Variants in ZNF385D observed in about 807,000 individuals in gnomAD.
ZNF385D encodes zinc finger protein 385D.
ZNF385D carries 15 observed loss-of-function variants against 35.8 expected under a neutral mutation model. The observed-to-expected ratio is 0.42, with a 90% confidence interval of 0.28 to 0.64. ZNF385D has a LOEUF of 0.64. Ranked by LOEUF, ZNF385D falls within the 30% of genes least tolerant of loss-of-function variation. The pLI is 0.23. For synonymous variants in ZNF385D, 212 were observed against 186.8 expected (o/e 1.13, Z -1.10); for missense variants, 474 against 494.6 (o/e 0.96, Z 0.39).
chr3:21,922,276 GA>G, intron 3 of ZNF385D, among the ~76,000 whole-genome samples: 1 of 102,924 alleles, frequency 9.7e-6, no homozygotes, highest in South Asian at 3.9e-4. Flanking sequence ...CACAGAATTA[GA>G]AAAAAAATTT....
chr3:21,413,801 A>G lies in ZNF385D; in HGVS notation c.*7413T>C, dbSNP rs1700525353. The G allele has an allele frequency of 6.6e-6, 1 of 152,136 alleles. No homozygotes were observed. Among genetic ancestry groups the G allele is most frequent in the Non-Finnish European group, 1.5e-5 (1 of 68,000 alleles). The allele number at this position is 152,136 out of a possible 1,614,324, so 9.4% of individuals were successfully genotyped here. ...CAATAAGCTTGGTTGTCAAAAGAAC[A>G]CTGCCTTCAATTTATAGTCACTAAA... On this transcript the variant is annotated 3_prime_UTR_variant, in exon 8 of 8. Transcript: ENST00000281523.
At chr3:22,143,209 A>G (rs1704635070) in intron 3 of ZNF385D, among the ~76,000 whole-genome samples, 2 of 151,738 alleles carry the variant, frequency 1.3e-5, no homozygotes, top group Admixed American at 6.6e-5. Flanking sequence ...CAGCCTCCGG[A>G]GTAGCAGCGA....
In ZNF385D at chr3:22,323,688, C is replaced by G. The variant is rs552363318; in HGVS notation, c.106+48762G>C. On this transcript the variant is annotated intron_variant, in intron 2 of 5. Transcript: ENST00000494108. ...GTAACACAAAAATTCTACAGAACATCTGTTTCTTAATAATGAGGATAATAG... is the reference window on the plus strand; with the variant it reads ...GTAACACAAAAATTCTACAGAACATGTGTTTCTTAATAATGAGGATAATAG... Among the ~76,000 whole-genome samples the G allele has an allele frequency of 4.5e-4, 69 of 152,200 alleles. No homozygotes were observed. The South Asian group carries it at 4.8e-3, about 11-fold the overall frequency.
intron 2 of ZNF385D, among the ~76,000 whole-genome samples, chr3:21,596,081 A>G (rs937290012): frequency 6.6e-6 from 1 of 152,208 alleles, no homozygotes; most frequent in Non-Finnish European, 1.5e-5. Context: ...CTGAAGCATA[A>G]TGAACATTTA....
intron 3 of ZNF385D, among the ~76,000 whole-genome samples, chr3:21,968,631 C>T (rs1703048706): frequency 2.0e-5 from 3 of 152,270 alleles, no homozygotes; most frequent in Middle Eastern, 3.4e-3. Context: ...AAGGAACCCA[C>T]TGTCTTGAAG....
chr3:21,421,140 C>T lies in ZNF385D; in HGVS notation c.*74G>A. On this transcript the variant is annotated 3_prime_UTR_variant, in exon 8 of 8. Coordinates refer to ENST00000281523, the MANE Select transcript of ZNF385D (RefSeq NM_024697.3). ...TACTTTAAACTATAAATAAACACTG[C>T]ATAGTTCTCTTTTGTTTGTTTTGTT... is the stretch of plus-strand genomic sequence containing the variant. 15 of 1,175,828 alleles carry T rather than the reference C, an allele frequency of 1.3e-5. No individual in the cohort carries two copies. The highest frequency in any genetic ancestry group is 1.8e-5 in the Non-Finnish European group (15 of 818,030). 72.8% of individuals were successfully genotyped at this position (1,175,828 alleles called of 1,614,324 possible).
At chr3:22,292,905 C>T (rs1702375314) in intron 2 of ZNF385D, among the ~76,000 whole-genome samples, 1 of 152,062 alleles carries the variant, frequency 6.6e-6, no homozygotes, top group Admixed American at 6.6e-5. Flanking sequence ...CAAGAGAATG[C>T]ATATTTCTAT....
intron 3 of ZNF385D, among the ~76,000 whole-genome samples, chr3:22,113,665 T>A (rs547116094): frequency 6.6e-6 from 1 of 151,832 alleles, no homozygotes; most frequent in East Asian, 1.9e-4. Flanking sequence ...ATACTAGGAG[T>A]GTCTTAGAAG....
At chr3:21,982,659 G>T (rs150603453) in intron 3 of ZNF385D, among the ~76,000 whole-genome samples, 41 of 152,226 alleles carry the variant, frequency 2.7e-4, no homozygotes, top group Non-Finnish European at 5.3e-4. Context: ...CTTGTCTTGA[G>T]CTGGTATTCA....
intron 1 of ZNF385D, among the ~76,000 whole-genome samples, chr3:21,734,899 G>A (rs1414498567): frequency 6.6e-6 from 1 of 152,006 alleles, no homozygotes; most frequent in Non-Finnish European, 1.5e-5. Context: ...ATTTACTAGA[G>A]ATAAATGATG....
chr3:21,900,406 G>T (rs1025464143), intron 3 of ZNF385D, among the ~76,000 whole-genome samples: 3 of 152,084 alleles, frequency 2.0e-5, no homozygotes, highest in Non-Finnish European at 4.4e-5. Flanking sequence ...GAAAAACATT[G>T]TGACCTCTTT....
At chr3:22,203,182 C>A (rs1696919100) in intron 2 of ZNF385D, among the ~76,000 whole-genome samples, 1 of 152,006 alleles carries the variant, frequency 6.6e-6, no homozygotes, top group Non-Finnish European at 1.5e-5. Flanking sequence ...CTTTCTCTTG[C>A]AACTTGGACA....
At chr3:22,025,780 G>C (rs975726140) in intron 3 of ZNF385D, among the ~76,000 whole-genome samples, 57 of 152,238 alleles carry the variant, frequency 3.7e-4, no homozygotes, top group Middle Eastern at 3.4e-3. Flanking sequence ...CATCCCAGCT[G>C]GGAGGGTCCA....
intron 3 of ZNF385D, among the ~76,000 whole-genome samples, chr3:21,556,873 GA>G (rs1332358267): frequency 1.3e-5 from 2 of 152,156 alleles, no homozygotes; most frequent in African/African-American, 4.8e-5. Flanking sequence ...AGTTATCCTT[GA>G]AAAGGTCCTT....
At chr3:22,115,800 A>T (rs1196425933) in intron 3 of ZNF385D, among the ~76,000 whole-genome samples, 1 of 152,132 alleles carries the variant, frequency 6.6e-6, no homozygotes, top group Non-Finnish European at 1.5e-5. Context: ...TTTAATCATC[A>T]TCAGGAAAAA....
intron 3 of ZNF385D, among the ~76,000 whole-genome samples, chr3:21,884,838 T>A (rs879903802): frequency 6.6e-6 from 1 of 152,068 alleles, no homozygotes; most frequent in Non-Finnish European, 1.5e-5. Context: ...TAAATAAAGG[T>A]TGATTTATTT....
chr3:22,151,814 C>A (rs1250352910), intron 3 of ZNF385D, among the ~76,000 whole-genome samples: 2 of 152,132 alleles, frequency 1.3e-5, no homozygotes, highest in Non-Finnish European at 2.9e-5. Flanking sequence ...CCTTTAACCA[C>A]AAGGGCTAGA....
chr3:21,502,699 A>G (rs1490348377), intron 4 of ZNF385D, among the ~76,000 whole-genome samples: 1 of 152,038 alleles, frequency 6.6e-6, no homozygotes, highest in South Asian at 2.1e-4. Context: ...TTTTTCCCCC[A>G]CTTCTGAATT....
rs147583836 is a variant in ZNF385D at position 21,664,886 on chromosome 3, C to T, written c.165G>A (p.Ala55=). 2.4e-5 allele frequency: 38 copies of T among 1,613,346 alleles called. No homozygotes were observed. Among genetic ancestry groups the T allele is most frequent in the African/African-American group, 6.7e-5 (5 of 74,836 alleles). The change falls in exon 2 of 8, where the codon GCG becomes GCA. Residue 55 remains alanine (A), a splice_region_variant and synonymous_variant. Coordinates refer to ENST00000281523, the MANE Select transcript of ZNF385D (RefSeq NM_024697.3). ...AAAGACAAATTTGGCAGGTACTTAC[C>T]GCATTGAAATTGGGGAAGAGGTTGA... ...AAVNLFPNFN[A]MDPIQKAVIN...
Sources: gnomAD v4.1 joint callset for allele counts (sites outside exome capture counted in the v4.1 genomes callset) on GRCh38, gnomAD v4.1.1 for gene constraint, MANE v1.5 for transcripts, NCBI Gene and HGNC (gene_info 2026-07-23, HGNC 2026-07-21) for gene names.